CR1L: variants seen among roughly 807,000 people sequenced by gnomAD.
CR1L encodes the protein complement C3b/C4b receptor 1 like, also known as complement component receptor 1-like protein.
In CR1L, 59 loss-of-function variants were observed where a neutral mutation model predicts 62.3. The ratio of observed to expected loss-of-function variants is 0.95; its 90% CI spans 0.77 to 1.18. The LOEUF is 1.18. Among genes scored for constraint, CR1L ranks in the 50% most tolerant of loss-of-function variants. The pLI is 0.00. For synonymous variants in CR1L, 279 were observed against 248.7 expected (o/e 1.12, Z -1.15); for missense variants, 700 against 702.8 (o/e 1.00, Z 0.04).
At chr1:207,661,198 C>T (rs893170122) in intron 1 of CR1L, among the ~76,000 whole-genome samples, 7 of 151,590 alleles carry the variant, frequency 4.6e-5, no homozygotes, top group African/African-American at 2.4e-5. Context: ...CCTGGATATC[C>T]TTGTTAACTT....
intron 11 of CR1L, among the ~76,000 whole-genome samples, chr1:207,719,024 C>T (rs1654072022): frequency 1.4e-5 from 2 of 143,680 alleles, no homozygotes; most frequent in Non-Finnish European, 1.5e-5. Flanking sequence ...AACCAAACAC[C>T]GCATATTCTC....
chr1:207,671,270 C>T (rs1272912880), intron 1 of CR1L, among the ~76,000 whole-genome samples: 1 of 150,896 alleles, frequency 6.6e-6, no homozygotes, highest in Non-Finnish European at 1.5e-5. Flanking sequence ...CATGACTAAG[C>T]AGTCGTGCAA....
chr1:207,687,859 G>A (rs1663936465), intron 4 of CR1L, among the ~76,000 whole-genome samples: 1 of 152,052 alleles, frequency 6.6e-6, no homozygotes, highest in Non-Finnish European at 1.5e-5. Flanking sequence ...TGTCTTTCAG[G>A]CTATGGCTTT....
rs1423205333 is a variant in CR1L at position 207,697,881 on chromosome 1, T to A, written c.1142+8T>A. The A allele has an allele frequency of 6.2e-7, 1 of 1,613,810 alleles. No individual in the cohort carries two copies. Among genetic ancestry groups the A allele is most frequent in the Admixed American group, 1.7e-5 (1 of 60,000 alleles). ...TTTTGTTTGTGATGAAGGGTGAGTA[T>A]GAGCTTGCCTGACCTGCTGGACATT... On this transcript the variant is annotated splice_region_variant and intron_variant, in intron 7 of 11. Transcript: ENST00000508064.
chr1:207,651,004 C>T (rs1663214484), intron 1 of CR1L, among the ~76,000 whole-genome samples: 2 of 152,062 alleles, frequency 1.3e-5, no homozygotes, highest in Non-Finnish European at 2.9e-5. Context: ...CCAGGATGGT[C>T]TCTATCTCCT....
chr1:207,688,347 T>C (rs77183834), intron 4 of CR1L, among the ~76,000 whole-genome samples: 577 of 152,310 alleles, frequency 3.8e-3, no homozygotes, highest in African/African-American at 0.013. Flanking sequence ...GTGACCTATA[T>C]GTGGATGTCA....
In CR1L at chr1:207,717,524, G is replaced by A. The variant is rs756540253; in HGVS notation, c.1475G>A (p.Gly492Glu). 5.6e-6 allele frequency: 9 copies of A among 1,613,582 alleles called. No homozygotes were observed. In the African/African-American group the frequency reaches 1.2e-4, roughly 22 times the overall value. Reference sequence around the variant, plus strand: ...GGGAGACACACAGGAACTCCCCTTGGAGATATTCCCTATGGAAAAGAAGTA... The same window carrying A: ...GGGAGACACACAGGAACTCCCCTTGAAGATATTCCCTATGGAAAAGAAGTA... Reference protein sequence around the residue: ...LNGRHTGTPLGDIPYGKEVSY... With the variant: ...LNGRHTGTPLEDIPYGKEVSY... Residue 492 changes from glycine to glutamate, a missense_variant, in exon 11 of 12, where the codon GGA becomes GAA. Gly to Glu is a moderately conservative substitution (Grantham distance 98, BLOSUM62 -2). Coordinates refer to ENST00000508064, the MANE Select transcript of CR1L (RefSeq NM_175710.2).
intron 9 of CR1L, 25 bp from the exon 10 acceptor site, chr1:207,708,153 A>C: frequency 1.2e-6 from 2 of 1,608,784 alleles, no homozygotes; most frequent in Non-Finnish European, 1.7e-6. Flanking sequence ...GTACAGCACA[A>C]TTATTTTCCA....
intron 1 of CR1L, among the ~76,000 whole-genome samples, chr1:207,670,687 C>T (rs1269875978): frequency 6.6e-6 from 1 of 150,930 alleles, no homozygotes; most frequent in Non-Finnish European, 1.5e-5. Flanking sequence ...AAACCAAGTT[C>T]CCCCAAGAGT....
intron 1 of CR1L, among the ~76,000 whole-genome samples, chr1:207,654,183 A>G (rs1558010130): frequency 6.6e-6 from 1 of 152,210 alleles, no homozygotes; most frequent in Non-Finnish European, 1.5e-5. Context: ...GTTTTGGTAG[A>G]GACAAACCAG....
intron 3 of CR1L, among the ~76,000 whole-genome samples, chr1:207,683,621 C>T (rs1215242102): frequency 1.3e-5 from 2 of 152,152 alleles, no homozygotes; most frequent in Admixed American, 6.5e-5. Context: ...AAAACTGTAA[C>T]TCATCTTTGA....
chr1:207,713,684 A>C (rs1237058951), intron 10 of CR1L, among the ~76,000 whole-genome samples: 1 of 152,262 alleles, frequency 6.6e-6, no homozygotes, highest in Non-Finnish European at 1.5e-5. Flanking sequence ...GGCTCCGTGC[A>C]AGGCTTGTGG....
At chr1:207,710,555 C>A (rs1664339221) in intron 10 of CR1L, 4 of 1,609,674 alleles carry the variant, frequency 2.5e-6, no homozygotes, top group Non-Finnish European at 3.4e-6. Flanking sequence ...CAAAGATGAT[C>A]AAGTGGTCGT....
intron 10 of CR1L, among the ~76,000 whole-genome samples, chr1:207,714,285 A>T (rs1653922496): frequency 6.6e-6 from 1 of 152,206 alleles, no homozygotes; most frequent in Non-Finnish European, 1.5e-5. Context: ...AGGCTAAAAC[A>T]AAGCCACCAC....
chr1:207,717,223 G>A (rs3849268), intron 10 of CR1L, among the ~76,000 whole-genome samples: 74,832 of 151,774 alleles, frequency 0.49, 19,060 homozygotes, highest in East Asian at 0.87. Context: ...CATTATGAAC[G>A]TAGCTACCTG....
At position 207,697,855 on chromosome 1, in the gene CR1L, A is replaced by G; in HGVS notation, c.1124A>G (p.Asp375Gly). 1.2e-6 allele frequency: 2 copies of G among 1,613,904 alleles called. No individual in the cohort carries two copies. Among genetic ancestry groups the G allele is most frequent in the Non-Finnish European group, 1.7e-6 (2 of 1,179,866 alleles). ...AATCTCCAGCTTGGAGCAAAAGTGG[A>G]TTTTGTTTGTGATGAAGGGTGAGTA... ...PLNLQLGAKV[D>G]FVCDEGFQLK... The change falls in exon 7 of 12, where the codon GAT (aspartate) becomes GGT (glycine). Residue 375 changes from aspartate (D) to glycine (G), a missense_variant. Asp to Gly is a moderately conservative substitution (Grantham distance 94, BLOSUM62 -1). Transcript: ENST00000508064.
chr1:207,678,144 A>G, intron 2 of CR1L, 54 bp from the exon 3 acceptor site: 1 of 1,539,336 alleles, frequency 6.5e-7, no homozygotes, highest in Non-Finnish European at 9.0e-7. Flanking sequence ...TTATGTACTA[A>G]AAAAAAATTC....
At chr1:207,683,840 A>C (rs758625006) in intron 3 of CR1L, 32 bp from the exon 4 acceptor site, 10 of 1,590,038 alleles carry the variant, frequency 6.3e-6, no homozygotes, top group Non-Finnish European at 8.6e-6. Flanking sequence ...CTGTGTATTT[A>C]GAATGTAACA....
At chr1:207,690,720 G>A (rs1214795777) in intron 4 of CR1L, among the ~76,000 whole-genome samples, 2 of 152,198 alleles carry the variant, frequency 1.3e-5, no homozygotes, top group East Asian at 3.8e-4. Context: ...GATGTCAATA[G>A]GATTGGTTCC....
Sources: allele counts gnomAD v4.1 joint callset (sites outside exome capture counted in the v4.1 genomes callset), GRCh38; gene constraint gnomAD v4.1.1; transcripts MANE v1.5; gene names NCBI Gene and HGNC (gene_info 2026-07-23, HGNC 2026-07-21).